The following SPAG16 variants were observed in gnomAD, a reference collection of about 807,000 sequenced individuals.
SPAG16 encodes the protein sperm-associated antigen 16 protein.
Under a neutral mutation model 80.4 loss-of-function variants are expected in SPAG16, and 86 were observed. The ratio of observed to expected loss-of-function variants is 1.07; its 90% CI spans 0.90 to 1.28. The LOEUF (loss-of-function observed/expected upper bound fraction) is 1.28, where lower values mean the gene tolerates loss of function less well. Among genes scored for constraint, SPAG16 ranks in the 50% most tolerant of loss-of-function variants. The pLI is 0.00. For missense variants in SPAG16, 870 were observed against 765.3 expected (o/e 1.14, Z -1.61); for synonymous variants, 294 against 265.9 (o/e 1.11, Z -1.03).
At chr2:213,351,604 A>G (rs1304760097) in intron 7 of SPAG16, among the ~76,000 whole-genome samples, 5 of 152,188 alleles carry the variant, frequency 3.3e-5, no homozygotes, top group Non-Finnish European at 5.9e-5. Flanking sequence ...TAAAACTGCA[A>G]CTATGCTTAA....
At chr2:214,207,388 A>T (rs1465606086) in intron 15 of SPAG16, among the ~76,000 whole-genome samples, 1 of 152,180 alleles carries the variant, frequency 6.6e-6, no homozygotes, top group African/African-American at 2.4e-5. Flanking sequence ...AATAAAATTG[A>T]TAATTTACTT....
At chr2:213,520,319 G>A (rs572681995) in intron 10 of SPAG16, among the ~76,000 whole-genome samples, 2 of 152,264 alleles carry the variant, frequency 1.3e-5, no homozygotes, top group South Asian at 4.2e-4. Context: ...AAGCGTGGTG[G>A]CTCACGCCTG....
At chr2:213,334,998 A>G (rs563827670) in intron 5 of SPAG16, among the ~76,000 whole-genome samples, 4 of 152,242 alleles carry the variant, frequency 2.6e-5, no homozygotes, top group Admixed American at 1.3e-4. Flanking sequence ...TGGATGCTCT[A>G]TTTTCCATGA....
At chr2:213,443,221 T>C (rs1312309163) in intron 9 of SPAG16, among the ~76,000 whole-genome samples, 1 of 152,204 alleles carries the variant, frequency 6.6e-6, no homozygotes, top group Non-Finnish European at 1.5e-5. Context: ...TGCAATATTA[T>C]TGATTATAGT....
At chr2:214,279,015 C>G (rs1692685782) in intron 15 of SPAG16, among the ~76,000 whole-genome samples, 1 of 151,960 alleles carries the variant, frequency 6.6e-6, no homozygotes, top group Non-Finnish European at 1.5e-5. Context: ...CTGCTTCTAT[C>G]TAAGTTAGAG....
chr2:214,111,202 G>A (rs1293628270), intron 14 of SPAG16, among the ~76,000 whole-genome samples: 5 of 152,100 alleles, frequency 3.3e-5, no homozygotes, highest in Non-Finnish European at 7.4e-5. Flanking sequence ...TGAAGTTCTT[G>A]CCCATACCTA....
rs3044944 is a variant in SPAG16 at position 214,227,702 on chromosome 2, A to ATGTGTGTGTGTG, written c.1720+78462_1720+78473dup. Among the ~76,000 whole-genome samples the ATGTGTGTGTGTG allele has an allele frequency of 3.1e-3, 445 of 145,756 alleles. 4 individuals carry two copies. Among genetic ancestry groups the ATGTGTGTGTGTG allele is most frequent in the Middle Eastern group, 0.014 (4 of 284 alleles). ...TAAATTTCTTTCTTGTGGAAGGTGT[A>ATGTGTGTGTGTG]TGTGTGTGTGTGTGTGTGTGTGTGT... is the stretch of plus-strand genomic sequence containing the variant. On this transcript the variant is annotated intron_variant, in intron 15 of 15. Transcript: ENST00000331683.
intron 12 of SPAG16, among the ~76,000 whole-genome samples, chr2:214,007,758 T>A (rs954961997): frequency 6.6e-6 from 1 of 152,170 alleles, no homozygotes; most frequent in Non-Finnish European, 1.5e-5. Flanking sequence ...AGATTTTGTT[T>A]TATGTTTTGC....
At chr2:213,685,834 A>G (rs894970749) in intron 10 of SPAG16, among the ~76,000 whole-genome samples, 2 of 152,188 alleles carry the variant, frequency 1.3e-5, no homozygotes. Context: ...AAAATTATGA[A>G]TAAACCACAA....
At chr2:213,491,451 A>G (rs1183204327) in intron 10 of SPAG16, among the ~76,000 whole-genome samples, 1 of 152,158 alleles carries the variant, frequency 6.6e-6, no homozygotes, top group East Asian at 1.9e-4. Flanking sequence ...TCCTTCTCAT[A>G]TTTCATCACC....
Position 213,336,652 on chromosome 2 carries a change from A to G in SPAG16, c.537-3511A>G, listed in dbSNP as rs78292578. Among the ~76,000 whole-genome samples the G allele has an allele frequency of 3.9e-5, 6 of 152,000 alleles. No individual in the cohort carries two copies. In the East Asian group the frequency reaches 5.8e-4, roughly 15 times the overall value. Reference sequence around the variant, plus strand: ...GCTAGACTGCTTCCTTAAGTAGAACACTGATCCATTTTTTCTCACTGGGTG... The same window carrying G: ...GCTAGACTGCTTCCTTAAGTAGAACGCTGATCCATTTTTTCTCACTGGGTG... On this transcript the variant is annotated intron_variant, in intron 5 of 15. Transcript: ENST00000331683.
At chr2:214,182,016 C>T (rs1233692348) in intron 15 of SPAG16, among the ~76,000 whole-genome samples, 1 of 151,654 alleles carries the variant, frequency 6.6e-6, no homozygotes, top group Non-Finnish European at 1.5e-5. Flanking sequence ...TGATTTAAAG[C>T]CCTATGTTAT....
At chr2:213,363,269 G>A (rs115622331) in intron 7 of SPAG16, among the ~76,000 whole-genome samples, 8,145 of 151,976 alleles carry the variant, frequency 0.054, 703 homozygotes, top group African/African-American at 0.18. Context: ...TAAATAAAAA[G>A]TTTATTTTTG....
intron 14 of SPAG16, 97 bp from the exon 15 acceptor site, chr2:214,149,041 TAG>T: frequency 2.6e-6 from 1 of 389,570 alleles, no homozygotes; most frequent in Non-Finnish European, 3.8e-6. Flanking sequence ...TGTATATATG[TAG>T]TGTGTGTGTG....
intron 9 of SPAG16, among the ~76,000 whole-genome samples, chr2:213,463,919 G>GT (rs2072527678): frequency 6.6e-6 from 1 of 152,200 alleles, no homozygotes. Context: ...ATCTATTTCA[G>GT]TGACCTTCAC....
chr2:214,366,941 G>A (rs899937401), intron 15 of SPAG16, among the ~76,000 whole-genome samples: 2 of 152,014 alleles, frequency 1.3e-5, no homozygotes, highest in South Asian at 2.1e-4. Flanking sequence ...TTTTCAGATC[G>A]AAGCCTTAAA....
At chr2:213,435,262 C>T (rs1034792988) in intron 9 of SPAG16, among the ~76,000 whole-genome samples, 1 of 152,050 alleles carries the variant, frequency 6.6e-6, no homozygotes, top group Admixed American at 6.5e-5. Flanking sequence ...AGGTCATTAT[C>T]TTAGGTGAAA....
At chr2:213,687,013 G>A (rs185943569) in intron 10 of SPAG16, among the ~76,000 whole-genome samples, 2 of 151,860 alleles carry the variant, frequency 1.3e-5, no homozygotes, top group Non-Finnish European at 2.9e-5. Flanking sequence ...TTTTCTATTT[G>A]TTTCCTTTGT....
At chr2:213,583,443 T>G (rs1335706445) in intron 10 of SPAG16, among the ~76,000 whole-genome samples, 2 of 152,224 alleles carry the variant, frequency 1.3e-5, no homozygotes, top group Non-Finnish European at 2.9e-5. Flanking sequence ...TTTCCAAATT[T>G]TGTTAACTAG....
Sources: allele counts gnomAD v4.1 joint callset (sites outside exome capture counted in the v4.1 genomes callset), GRCh38; gene constraint gnomAD v4.1.1; transcripts MANE v1.5; gene names NCBI Gene and HGNC (gene_info 2026-07-23, HGNC 2026-07-21).